The following WWOX variants were observed in gnomAD, a reference collection of about 807,000 sequenced individuals.
The protein encoded by WWOX is WW domain containing oxidoreductase.
WWOX carries 69 observed loss-of-function variants against 46.2 expected under a neutral mutation model. That is an observed-to-expected ratio of 1.49 (90% confidence interval 1.23 to 1.82). The LOEUF (loss-of-function observed/expected upper bound fraction) is 1.82. WWOX is among the 40% of genes most tolerant of loss of function. WWOX has a pLI of 0.00. For missense variants in WWOX, 919 were observed against 542.6 expected, an observed-to-expected ratio of 1.69 and a Z score of -6.89; for synonymous variants, 359 against 202.6, an observed-to-expected ratio of 1.77 and a Z score of -6.56.
chr16:78,145,056 G>C (rs1478025784), intron 4 of WWOX, among the ~76,000 whole-genome samples: 1 of 152,120 alleles, frequency 6.6e-6, no homozygotes, highest in African/African-American at 2.4e-5. Flanking sequence ...AAATTGGGTA[G>C]CTTAAACAAC....
intron 8 of WWOX, among the ~76,000 whole-genome samples, chr16:78,810,799 G>C (rs2051168524): frequency 1.3e-5 from 2 of 152,022 alleles, no homozygotes; most frequent in African/African-American, 4.8e-5. Context: ...TCTTATGCAG[G>C]GGGGAAAAAA....
intron 8 of WWOX, chr16:79,203,079 C>T (rs1389141125): frequency 6.6e-6 from 1 of 152,234 alleles, no homozygotes; most frequent in Non-Finnish European, 1.5e-5. Flanking sequence ...ATTAAAGCAA[C>T]AGCACACACG....
intron 8 of WWOX, among the ~76,000 whole-genome samples, chr16:78,575,226 C>T (rs1597291494): frequency 1.4e-5 from 2 of 147,142 alleles, no homozygotes; most frequent in Admixed American, 7.0e-5. Context: ...AGTTCTGTCC[C>T]TGGAGGTGAG....
At chr16:78,613,761 A>T (rs1032731762) in intron 8 of WWOX, among the ~76,000 whole-genome samples, 3 of 152,190 alleles carry the variant, frequency 2.0e-5, no homozygotes, top group African/African-American at 7.2e-5. Context: ...TGGGAACAAG[A>T]TCCCAACCCC....
intron 6 of WWOX, among the ~76,000 whole-genome samples, chr16:78,407,696 T>G (rs762033950): frequency 1.3e-4 from 20 of 152,176 alleles, no homozygotes; most frequent in Admixed American, 2.6e-4. Context: ...CCACATCAAC[T>G]TCTTCCCTCC....
chr16:78,931,178 C>A (rs1373395390), intron 8 of WWOX, among the ~76,000 whole-genome samples: 1 of 152,160 alleles, frequency 6.6e-6, no homozygotes, highest in Non-Finnish European at 1.5e-5. Flanking sequence ...ATACGCACAT[C>A]CGTAGACAGT....
rs149096470 is a variant in WWOX, at chr16:78,476,956, T to G, written c.1056+44204T>G. On this transcript the variant is annotated intron_variant, in intron 8 of 8. Coordinates refer to ENST00000566780, the MANE Select transcript of WWOX (RefSeq NM_016373.4). ...TCCTCCTTCAGTTCCCTCTTTCCTCTTTTTCACCCTTTTATTTAACATTAT... is the reference window on the plus strand; with the variant it reads ...TCCTCCTTCAGTTCCCTCTTTCCTCGTTTTCACCCTTTTATTTAACATTAT... 6.7e-3 allele frequency among the ~76,000 whole-genome samples: 1,018 copies of G among 152,168 alleles called. 11 individuals carry two copies. The highest frequency in any genetic ancestry group is 0.023 in the African/African-American group (962 of 41,504).
intron 8 of WWOX, among the ~76,000 whole-genome samples, chr16:78,783,972 T>A (rs780610967): frequency 1.3e-5 from 2 of 152,104 alleles, no homozygotes; most frequent in Middle Eastern, 3.4e-3. Flanking sequence ...CTGGTGATGA[T>A]GATAATGATA....
chr16:78,508,119 G>A (rs150527583), intron 8 of WWOX, among the ~76,000 whole-genome samples: 25 of 151,756 alleles, frequency 1.6e-4, no homozygotes, highest in Admixed American at 6.6e-4. Flanking sequence ...GCAATTCTCC[G>A]TGTCTCAATC....
At chr16:78,893,411 A>G (rs904633569) in intron 8 of WWOX, among the ~76,000 whole-genome samples, 12 of 152,044 alleles carry the variant, frequency 7.9e-5, no homozygotes, top group Admixed American at 2.0e-4. Context: ...TTATGTTTAA[A>G]TAGTTTGGAT....
intron 8 of WWOX, among the ~76,000 whole-genome samples, chr16:78,768,341 G>C (rs186849755): frequency 2.0e-4 from 29 of 148,268 alleles, no homozygotes; most frequent in African/African-American, 6.7e-4. Flanking sequence ...TGTACTCCCA[G>C]CACTTTGGGA....
intron 3 of WWOX, among the ~76,000 whole-genome samples, chr16:78,112,263 C>G (rs775780784): frequency 2.0e-5 from 3 of 152,134 alleles, no homozygotes; most frequent in Admixed American, 6.5e-5. Flanking sequence ...GTTGATTGAA[C>G]CAAAACTTTT....
intron 8 of WWOX, among the ~76,000 whole-genome samples, chr16:78,653,184 A>G (rs1037108361): frequency 2.1e-4 from 32 of 152,320 alleles, no homozygotes; most frequent in Non-Finnish European, 3.7e-4. Flanking sequence ...TTCTCATGTC[A>G]TTAAACATTG....
intron 8 of WWOX, among the ~76,000 whole-genome samples, chr16:79,104,610 T>C (rs1224690583): frequency 6.6e-6 from 1 of 152,224 alleles, no homozygotes; most frequent in African/African-American, 2.4e-5. Flanking sequence ...TTGAGGCAGA[T>C]AGATGCACAT....
At chr16:79,070,672 A>G (rs565360967) in intron 8 of WWOX, among the ~76,000 whole-genome samples, 1 of 152,214 alleles carries the variant, frequency 6.6e-6, no homozygotes, top group Non-Finnish European at 1.5e-5. Flanking sequence ...GAGAGATGTC[A>G]ACAATCCAGG....
intron 8 of WWOX, among the ~76,000 whole-genome samples, chr16:78,560,274 T>C (rs3915620): frequency 0.11 from 17,487 of 152,240 alleles, 1,100 homozygotes; most frequent in African/African-American, 0.16. Context: ...TTGAGTAAGA[T>C]ACGGCAGAGA....
intron 8 of WWOX, among the ~76,000 whole-genome samples, chr16:78,967,427 G>A (rs528220064): frequency 1.7e-4 from 24 of 140,526 alleles, no homozygotes; most frequent in African/African-American, 6.1e-4. Context: ...GGGACCACAA[G>A]TATGCACCAA....
chr16:78,288,615 T>G (rs1189883542), intron 5 of WWOX, among the ~76,000 whole-genome samples: 1 of 152,244 alleles, frequency 6.6e-6, no homozygotes. Flanking sequence ...CCTTGTATTT[T>G]AGAAGAGCCT....
intron 8 of WWOX, chr16:78,551,074 A>G (rs948984948): frequency 3.3e-5 from 5 of 152,240 alleles, no homozygotes; most frequent in Admixed American, 6.5e-5. Flanking sequence ...CATGAAACAA[A>G]TATCATGAAT....
Sources: allele counts gnomAD v4.1 joint callset (sites outside exome capture counted in the v4.1 genomes callset), GRCh38; gene constraint gnomAD v4.1.1; transcripts MANE v1.5; gene names NCBI Gene and HGNC (gene_info 2026-07-23, HGNC 2026-07-21).